Variants in CTNNA2 observed in about 807,000 individuals in gnomAD.
CTNNA2 encodes catenin alpha 2.
A neutral mutation model predicts 101.0 loss-of-function variants in CTNNA2; 42 were observed. The observed-to-expected ratio is 0.42, with a 90% CI of 0.32 to 0.54. The LOEUF (loss-of-function observed/expected upper bound fraction) is 0.54. CTNNA2 is among the 20% of genes least tolerant of loss of function. The pLI is 0.14. For synonymous variants in CTNNA2, 450 were observed against 456.4 expected (o/e 0.99, Z 0.18); for missense variants, 871 against 1,223.1 (o/e 0.71, Z 4.29).
intron 1 of CTNNA2, among the ~76,000 whole-genome samples, chr2:79,579,803 G>A (rs1261273309): frequency 6.6e-6 from 1 of 151,940 alleles, no homozygotes; most frequent in African/African-American, 2.4e-5. Flanking sequence ...TAGTAGAGAC[G>A]GGGTTTCTCC....
chr2:80,036,840 TGTGTGTGTGAGAGAGA>T (rs1326970989), intron 7 of CTNNA2, among the ~76,000 whole-genome samples: 176 of 78,296 alleles, frequency 2.2e-3, no homozygotes, highest in African/African-American at 6.8e-3. Flanking sequence ...TGTGTGTGTG[TGTGTGTGTGAGAGAGA>T]GAGAGAGAGA....
intron 7 of CTNNA2, among the ~76,000 whole-genome samples, chr2:79,912,574 G>A (rs1279856232): frequency 1.3e-5 from 2 of 152,230 alleles, no homozygotes; most frequent in Admixed American, 6.5e-5. Context: ...AGATCATGGC[G>A]GTGGTAGAAA....
chr2:79,261,848 G>A (rs1674926309), intron 2 of CTNNA2, among the ~76,000 whole-genome samples: 1 of 152,192 alleles, frequency 6.6e-6, no homozygotes, highest in Non-Finnish European at 1.5e-5. Context: ...CAGAGATAGG[G>A]AAAGGTATGA....
intron 7 of CTNNA2, chr2:80,299,450 T>C (rs1676051053): frequency 6.6e-6 from 1 of 152,122 alleles, no homozygotes; most frequent in Non-Finnish European, 1.5e-5. Flanking sequence ...AGACAACGTT[T>C]GCTTGCCTAC....
At chr2:80,589,545 T>A in intron 15 of CTNNA2, 60 bp downstream of exon 15, 8 of 1,480,534 alleles carry the variant, frequency 5.4e-6, no homozygotes, top group Non-Finnish European at 7.3e-6. Context: ...TGTAGCAGTG[T>A]GTATTAGCAT....
intron 7 of CTNNA2, among the ~76,000 whole-genome samples, chr2:80,108,437 A>C (rs534368404): frequency 3.3e-5 from 5 of 152,336 alleles, no homozygotes; most frequent in African/African-American, 1.2e-4. Flanking sequence ...TCTCAGTGAC[A>C]GCAATGGCAA....
At chr2:80,125,547 G>A (rs991494158) in intron 7 of CTNNA2, among the ~76,000 whole-genome samples, 1 of 152,148 alleles carries the variant, frequency 6.6e-6, no homozygotes, top group African/African-American at 2.4e-5. Flanking sequence ...AGGCACACAT[G>A]CAACCTCTGC....
intron 3 of CTNNA2, among the ~76,000 whole-genome samples, chr2:79,766,038 C>G (rs1673126899): frequency 6.6e-6 from 1 of 152,162 alleles, no homozygotes; most frequent in African/African-American, 2.4e-5. Context: ...TTTAGTCTTT[C>G]TACTTAGGAT....
chr2:79,621,628 A>T (rs555990007), intron 1 of CTNNA2, among the ~76,000 whole-genome samples: 2 of 152,292 alleles, frequency 1.3e-5, no homozygotes, highest in African/African-American at 4.8e-5. Flanking sequence ...AAGTAGACAA[A>T]TTTCCCATGC....
At chr2:80,375,562 CT>C (rs199662476) in intron 7 of CTNNA2, among the ~76,000 whole-genome samples, 129 of 105,600 alleles carry the variant, frequency 1.2e-3, no homozygotes, top group Non-Finnish European at 1.6e-3. Flanking sequence ...TTTCTGGCTT[CT>C]TTTTTTTTTT....
At chr2:80,290,322 A>T (rs1053588098) in intron 7 of CTNNA2, among the ~76,000 whole-genome samples, 1 of 152,044 alleles carries the variant, frequency 6.6e-6, no homozygotes, top group Non-Finnish European at 1.5e-5. Flanking sequence ...CTTCACATGA[A>T]CCTGTCCAAA....
At chr2:79,348,407 G>T (rs1433048483) in intron 3 of CTNNA2, among the ~76,000 whole-genome samples, 4 of 152,178 alleles carry the variant, frequency 2.6e-5, no homozygotes, top group African/African-American at 7.2e-5. Context: ...TGTACTGATG[G>T]TAAAATCTGA....
At chr2:80,141,475 A>G (rs1255995476) in intron 7 of CTNNA2, among the ~76,000 whole-genome samples, 1 of 152,048 alleles carries the variant, frequency 6.6e-6, no homozygotes, top group Admixed American at 6.6e-5. Context: ...TTAAAGGGAG[A>G]AAGAAAACCA....
intron 2 of CTNNA2, among the ~76,000 whole-genome samples, chr2:79,684,022 A>G (rs551820842): frequency 2.4e-4 from 36 of 152,178 alleles, no homozygotes; most frequent in South Asian, 1.5e-3. Flanking sequence ...ACTGAAGGAG[A>G]GGGGGCAGTC....
intron 7 of CTNNA2, among the ~76,000 whole-genome samples, chr2:79,991,490 A>G (rs910262032): frequency 1.3e-5 from 2 of 152,214 alleles, no homozygotes; most frequent in African/African-American, 4.8e-5. Flanking sequence ...CATCTGTGAA[A>G]TGAACAACAT....
intron 7 of CTNNA2, among the ~76,000 whole-genome samples, chr2:80,135,275 G>A (rs112883819): frequency 1.6e-4 from 25 of 152,306 alleles, no homozygotes; most frequent in African/African-American, 5.1e-4. Flanking sequence ...CTGGCAGGAA[G>A]GCCTGACAAA....
At position 80,439,851 on chromosome 2, in the gene CTNNA2, A is replaced by G. The variant is rs1231435194; in HGVS notation, c.1290+20250A>G. Among the ~76,000 whole-genome samples, 4 of 152,240 alleles carry G rather than the reference A, an allele frequency of 2.6e-5. No individual in the cohort carries two copies. The East Asian group carries it at 7.7e-4, about 29-fold the overall frequency. ...AAGAAATGTGACATTAGCAGTTGGT[A>G]ACAGACATGAGTCTAGAGTCCAAAT... is the stretch of plus-strand genomic sequence containing the variant. On this transcript the variant is annotated intron_variant, in intron 9 of 18. Transcript: ENST00000402739.
In CTNNA2 at chr2:80,452,173, C is replaced by A. The variant is rs547287002; in HGVS notation, c.1290+32572C>A. On this transcript the variant is annotated intron_variant, in intron 9 of 18. Transcript: ENST00000402739. ...GCAGCTGAACCTGTTACATTTCTTA[C>A]CTGTGGTCATGAACCTAGTACATAA... Among the ~76,000 whole-genome samples the A allele has an allele frequency of 5.0e-4, 74 of 147,030 alleles. 4 individuals are homozygous for A. Among genetic ancestry groups the A allele is most frequent in the African/African-American group, 2.0e-3 (73 of 36,628 alleles).
chr2:79,375,786 C>T (rs921189121), intron 4 of CTNNA2, among the ~76,000 whole-genome samples: 1 of 152,224 alleles, frequency 6.6e-6, no homozygotes, highest in Non-Finnish European at 1.5e-5. Context: ...TTCAAACATG[C>T]CGGTGCAAAG....
Sources: gnomAD v4.1 joint callset for allele counts (sites outside exome capture counted in the v4.1 genomes callset) on GRCh38, gnomAD v4.1.1 for gene constraint, MANE v1.5 for transcripts, NCBI Gene and HGNC (gene_info 2026-07-23, HGNC 2026-07-21) for gene names.